Variants in SCAF11 observed in about 807,000 individuals in gnomAD.
SCAF11 encodes SR-related CTD associated factor 11.
Under a neutral mutation model 140.5 loss-of-function variants are expected in SCAF11, and 47 were observed. The ratio of observed to expected loss-of-function variants is 0.33; its 90% CI spans 0.26 to 0.43. The LOEUF is 0.43. Among genes scored for constraint, SCAF11 ranks in the 20% least tolerant of loss-of-function variants. SCAF11 has a pLI of 1.00. For synonymous variants in SCAF11, 557 were observed against 579.4 expected (o/e 0.96, Z 0.55); for missense variants, 1,645 against 1,705.1 (o/e 0.96, Z 0.62).
In SCAF11 at chr12:45,927,676, G is replaced by A. The variant is rs774863988; in HGVS notation, c.2025C>T (p.Thr675=). 1.9e-5 allele frequency: 31 copies of A among 1,611,752 alleles called. No homozygotes were observed. The highest frequency in any genetic ancestry group is 2.5e-5 in the Non-Finnish European group (30 of 1,179,780). ...NNLLKNNLLN[T]KLEKSLEEKN... ...TTTCTTCTAAAGATTTTTCCAATTTGGTGTTCAGAAGATTATTTTTTAGTA... is the reference window on the plus strand; with the variant it reads ...TTTCTTCTAAAGATTTTTCCAATTTAGTGTTCAGAAGATTATTTTTTAGTA... Residue 675 remains threonine, a synonymous_variant, in exon 11 of 15, where the codon ACC becomes ACT. Transcript: ENST00000369367.
At chr12:45,988,191 T>C (rs865931881) in intron 1 of SCAF11, among the ~76,000 whole-genome samples, 4 of 152,210 alleles carry the variant, frequency 2.6e-5, no homozygotes, top group African/African-American at 9.7e-5. Flanking sequence ...ACAATTTACA[T>C]CTTAAAAGAC....
At position 45,964,175 on chromosome 12, in the gene SCAF11, T is replaced by A. The variant is rs1267146949; in HGVS notation, c.-8A>T. On this transcript the variant is annotated 5_prime_UTR_variant, in exon 2 of 15. Coordinates refer to ENST00000369367, the MANE Select transcript of SCAF11 (RefSeq NM_004719.3). ...TACAGTTTTCTTCTTCATTTCTCTT[T>A]GGAAAAGGGTTTCCTATAAGATAAA... 3 of 1,474,272 alleles carry A rather than the reference T, an allele frequency of 2.0e-6. No individual in the cohort carries two copies. The highest frequency in any genetic ancestry group is 2.8e-6 in the Non-Finnish European group (3 of 1,061,232). The allele number at this position is 1,474,272 out of a possible 1,614,324, so 91.3% of individuals were successfully genotyped here.
chr12:45,967,343 T>C (rs1384561530), intron 1 of SCAF11, among the ~76,000 whole-genome samples: 1 of 152,186 alleles, frequency 6.6e-6, no homozygotes, highest in Non-Finnish European at 1.5e-5. Flanking sequence ...ACTGCCTTTG[T>C]TAGAAATCTG....
rs772625658 is a variant in SCAF11, at chr12:45,927,795, C to G, written c.1906G>C (p.Gly636Arg). ...SVKSPEVQLL[G>R]HVETEDVEII... The stretch of plus-strand genomic sequence containing the variant: ...TCTACATCTTCAGTTTCAACATGCC[C>G]AAGCAATTGAACCTCTGGGCTCTTA... Residue 636 changes from glycine to arginine, a missense_variant, in exon 11 of 15, where the codon GGG (glycine) becomes CGG (arginine). Gly to Arg is a moderately radical substitution (Grantham distance 125, BLOSUM62 -2). Around this residue, in one of 2 missense-constraint regions of SCAF11, gnomAD observed 1,582 missense variants for 1,609.2 expected, o/e 0.98. Coordinates refer to ENST00000369367, the MANE Select transcript of SCAF11 (RefSeq NM_004719.3). 6.2e-7 allele frequency: 1 copy of G among 1,613,680 alleles called. No individual in the cohort carries two copies. The highest frequency in any genetic ancestry group is 1.1e-5 in the South Asian group (1 of 90,980).
chr12:45,946,253 C>T (rs1945420989), intron 5 of SCAF11, among the ~76,000 whole-genome samples: 1 of 152,124 alleles, frequency 6.6e-6, no homozygotes, highest in Non-Finnish European at 1.5e-5. Context: ...AGAGAGGTCC[C>T]AGGGTTTTAT....
chr12:45,922,079 T>A lies in SCAF11; in HGVS notation c.4361A>T (p.Glu1454Val), dbSNP rs770065046. 1 of 1,613,620 alleles carries A rather than the reference T, an allele frequency of 6.2e-7. No homozygotes were observed. The highest frequency in any genetic ancestry group is 1.1e-5 in the South Asian group (1 of 90,940). The change falls in exon 15 of 15, where the codon GAA (glutamate) becomes GTA (valine). Residue 1454 changes from glutamate to valine, a missense_variant. Coordinates refer to ENST00000369367, the MANE Select transcript of SCAF11 (RefSeq NM_004719.3). Reference protein sequence around the residue: ...RKGSQKKTLEEPVSTEKNIG With the variant: ...RKGSQKKTLEVPVSTEKNIG Reference sequence around the variant, plus strand: ...TATGTTTTTTTCAGTAGACACAGGTTCTTCCAGAGTTTTCTTTTGGCTCCC... The same window carrying A: ...TATGTTTTTTTCAGTAGACACAGGTACTTCCAGAGTTTTCTTTTGGCTCCC...
At chr12:45,925,925 T>C (rs933233455) in intron 11 of SCAF11, among the ~76,000 whole-genome samples, 5 of 152,156 alleles carry the variant, frequency 3.3e-5, no homozygotes, top group African/African-American at 1.2e-4. Flanking sequence ...TTTAAGTCTT[T>C]GGCAAGGTTT....
chr12:45,959,210 G>T (rs1440437452), intron 3 of SCAF11, among the ~76,000 whole-genome samples: 1 of 151,940 alleles, frequency 6.6e-6, no homozygotes, highest in African/African-American at 2.4e-5. Flanking sequence ...AGAAGTTGCA[G>T]TGAGCCGAGA....
chr12:45,967,455 C>T (rs766278895), intron 1 of SCAF11, among the ~76,000 whole-genome samples: 34 of 152,128 alleles, frequency 2.2e-4, no homozygotes, highest in Non-Finnish European at 4.3e-4. Context: ...ACCAGCCTGG[C>T]CAACATGGCG....
chr12:45,932,639 T>C (rs1945077527), intron 9 of SCAF11, among the ~76,000 whole-genome samples: 2 of 152,148 alleles, frequency 1.3e-5, no homozygotes, highest in African/African-American at 4.8e-5. Flanking sequence ...ATATTATTTA[T>C]CTAGCACCAT....
intron 1 of SCAF11, among the ~76,000 whole-genome samples, chr12:45,988,530 C>T (rs1946514256): frequency 2.0e-5 from 3 of 152,166 alleles, no homozygotes. Context: ...TAAGTAACTC[C>T]TGAAAAGTTT....
In SCAF11 at chr12:45,928,090, T is replaced by C. The variant is rs1944939001; in HGVS notation, c.1611A>G (p.Val537=). Residue 537 remains valine, a synonymous_variant, in exon 11 of 15, where the codon GTA becomes GTG. Transcript: ENST00000369367. The part of the protein sequence containing the change: ...DQISGLSQSE[V]KTDVCTVHLP... ...GATGAACTGTACATACATCTGTCTTTACCTCTGATTGTGAAAGTCCAGATA... is the reference window on the plus strand; with the variant it reads ...GATGAACTGTACATACATCTGTCTTCACCTCTGATTGTGAAAGTCCAGATA... The C allele has an allele frequency of 6.2e-7, 1 of 1,614,008 alleles. No individual in the cohort carries two copies. Among genetic ancestry groups the C allele is most frequent in the Non-Finnish European group, 8.5e-7 (1 of 1,180,002 alleles).
intron 1 of SCAF11, among the ~76,000 whole-genome samples, chr12:45,986,090 T>G (rs1312893228): frequency 6.6e-6 from 1 of 152,170 alleles, no homozygotes; most frequent in Non-Finnish European, 1.5e-5. Context: ...CTAGGCCTTT[T>G]TTCCCCCAAG....
chr12:45,943,006 C>T (rs1945339815), intron 6 of SCAF11, among the ~76,000 whole-genome samples: 1 of 152,142 alleles, frequency 6.6e-6, no homozygotes. Flanking sequence ...GTATGAACAT[C>T]TAATACTGAG....
intron 3 of SCAF11, chr12:45,953,966 C>T: frequency 2.4e-6 from 1 of 413,134 alleles, no homozygotes; most frequent in Non-Finnish European, 3.5e-6. Flanking sequence ...CAATATGATA[C>T]ATATACAAGT....
intron 1 of SCAF11, among the ~76,000 whole-genome samples, chr12:45,968,965 A>G (rs1388967931): frequency 2.0e-5 from 3 of 152,144 alleles, no homozygotes; most frequent in Admixed American, 1.3e-4. Flanking sequence ...AACGGTCTGT[A>G]TTAAGTCATT....
Position 45,922,601 on chromosome 12 carries a change from A to C in SCAF11, c.4126-19T>G. 1 of 1,570,534 alleles carries C rather than the reference A, an allele frequency of 6.4e-7. No homozygotes were observed. Among genetic ancestry groups the C allele is most frequent in the South Asian group, 1.2e-5 (1 of 83,530 alleles). ...GCAATTTCTGATGAGAAGAAAATGT[A>C]TAATTTATTATTTGCCAGTCATACT... On this transcript the variant is annotated intron_variant, in intron 13 of 14. Transcript: ENST00000369367.
intron 1 of SCAF11, chr12:45,974,044 A>G (rs966336812): frequency 1.3e-5 from 5 of 380,762 alleles, no homozygotes; most frequent in Non-Finnish European, 2.7e-5. Context: ...GTCTAGGTCC[A>G]GACCGGAGTA....
intron 3 of SCAF11, chr12:45,960,309 T>C (rs986425739): frequency 1.3e-5 from 2 of 152,138 alleles, no homozygotes; most frequent in African/African-American, 2.4e-5. Context: ...GATTAAGTTG[T>C]TGAAATTCAC....
Sources: allele counts gnomAD v4.1 joint callset (sites outside exome capture counted in the v4.1 genomes callset), GRCh38; gene constraint gnomAD v4.1.1; regional missense constraint gnomAD v4.1.1; transcripts MANE v1.5; gene names NCBI Gene and HGNC (gene_info 2026-07-23, HGNC 2026-07-21).